Variants in MUC3A observed in about 807,000 individuals in gnomAD.
The protein encoded by MUC3A is mucin-3A.
MUC3A carries 109 observed loss-of-function variants against 109.0 expected under a neutral mutation model. The ratio of observed to expected loss-of-function variants is 1.00; its 90% confidence interval spans 0.86 to 1.17. The LOEUF is 1.17. Among genes scored for constraint, MUC3A ranks in the 50% most tolerant of loss-of-function variants. MUC3A has a pLI of 0.00. For missense variants in MUC3A, 3,537 were observed against 2,469.4 expected (o/e 1.43, Z -9.16); for synonymous variants, 1,398 against 981.4 (o/e 1.42, Z -7.93).
chr7:100,956,803 C>T lies in MUC3A; in HGVS notation c.5024C>T (p.Thr1675Ile). ...ATGTCTGCCAGCAGTGTAGGGACCA[C>T]TCACACCCAGAGTATCTCCTCACCC... Reference protein sequence around the residue: ...SSMSASSVGTTHTQSISSPPA... With the variant: ...SSMSASSVGTIHTQSISSPPA... The change falls in exon 2 of 12, where the codon ACT becomes ATT. Residue 1675 changes from threonine (T) to isoleucine (I), a missense_variant. Coordinates refer to ENST00000379458, the MANE Select transcript of MUC3A (RefSeq NM_005960.2). The T allele has an allele frequency of 2.4e-6, 1 of 412,494 alleles. No homozygotes were observed. Among genetic ancestry groups the T allele is most frequent in the Non-Finnish European group, 4.2e-6 (1 of 235,878 alleles). The allele number at this position is 412,494 out of a possible 1,614,324, so 25.6% of individuals were successfully genotyped here.
intron 4 of MUC3A, 100 bp from the exon 5 acceptor site, chr7:100,963,588 G>A (rs1300797702): frequency 1.3e-6 from 2 of 1,569,602 alleles, no homozygotes; most frequent in Non-Finnish European, 1.7e-6. Context: ...CCCGGCCGGG[G>A]AGGGGAATTG....
chr7:100,967,873 GTTGC>G lies in MUC3A; in HGVS notation c.*712_*715del. On this transcript the variant is annotated 3_prime_UTR_variant, in exon 12 of 12. Transcript: ENST00000379458. The stretch of plus-strand genomic sequence containing the variant: ...CAGGTGCTGTTCTCCCCGTCACCCC[GTTGC>G]CCAGTTCCCCGTTTCTCTTGCTCTC... 6.5e-6 allele frequency: 1 copy of G among 154,260 alleles called. No homozygotes were observed. The highest frequency in any genetic ancestry group is 2.5e-5 in the African/African-American group (1 of 40,112). 9.6% of individuals were successfully genotyped at this position (154,260 alleles called of 1,614,324 possible).
At position 100,963,704 on chromosome 7, in the gene MUC3A, C is replaced by A. The variant is rs957894645; in HGVS notation, c.9185C>A (p.Ala3062Glu). 3 of 1,598,504 alleles carry A rather than the reference C, an allele frequency of 1.9e-6. No individual in the cohort carries two copies. The highest frequency in any genetic ancestry group is 3.3e-5 in the Admixed American group (2 of 60,032). ...GTGTTTCAGATGCAGAAGATTTTTG[C>A]AGACATGCAGGGCTTCACCTTCAAG... ...TFWNQMQKIF[A>E]DMQGFTFKGV... Residue 3062 changes from alanine (A) to glutamate (E), a missense_variant, in exon 5 of 12, where the codon GCA (alanine) becomes GAA (glutamate). Transcript: ENST00000379458.
At chr7:100,967,071 A>G (rs773910655) in intron 11 of MUC3A, 50 bp from the exon 12 acceptor site, 2 of 1,598,390 alleles carry the variant, frequency 1.3e-6, no homozygotes, top group Admixed American at 1.7e-5. Flanking sequence ...CCTCCCTGTC[A>G]GCCCAAACCA....
intron 7 of MUC3A, 82 bp downstream of exon 7, chr7:100,965,429 G>C: frequency 6.5e-7 from 1 of 1,548,088 alleles, no homozygotes. Context: ...GAAGCCTGTG[G>C]GCAGGGAGAG....
rs1483167184 is a variant in MUC3A, at chr7:100,957,383, T to C, written c.5604T>C (p.Thr1868=). Residue 1868 remains threonine, a synonymous_variant, in exon 2 of 12, where the codon ACT becomes ACC. Transcript: ENST00000379458. ...CCAATATGACAGGTACATTGTCCAC[T>C]GTGACCTCTCTTCGACCCACCTCTT... The part of the protein sequence containing the change: ...YSTNMTGTLS[T]VTSLRPTSSS... 614 of 653,772 alleles carry C rather than the reference T, an allele frequency of 9.4e-4. No homozygotes were observed. The African/African-American group carries it at 0.012, about 13-fold the overall frequency. 40.5% of individuals were successfully genotyped at this position (653,772 alleles called of 1,614,324 possible).
intron 7 of MUC3A, 115 bp downstream of exon 7, chr7:100,965,462 G>A: frequency 1.3e-6 from 2 of 1,503,034 alleles, no homozygotes; most frequent in Non-Finnish European, 1.8e-6. Flanking sequence ...GGCAAGTCAT[G>A]TGGCCCAGGG....
rs1361575717 is a variant in MUC3A, at chr7:100,964,828, T to C, written c.9367T>C (p.Cys3123Arg). The C allele has an allele frequency of 1.9e-6, 3 of 1,597,770 alleles. No individual in the cohort carries two copies. The highest frequency in any genetic ancestry group is 1.7e-5 in the Admixed American group (1 of 59,972). Reference sequence around the variant, plus strand: ...GAACGCCAGCCAGGATGTGAACAGCTGCCAGGACTCCCAGAGTGAGCCCAG... The same window carrying C: ...GAACGCCAGCCAGGATGTGAACAGCCGCCAGGACTCCCAGAGTGAGCCCAG... ...LQNASQDVNS[C>R]QDSQTLCFKP... Residue 3123 changes from cysteine to arginine, a missense_variant, in exon 6 of 12, where the codon TGC becomes CGC. Transcript: ENST00000379458.
Position 100,967,341 on chromosome 7 carries a change from C to G in MUC3A, c.*179C>G. The G allele has an allele frequency of 2.0e-6, 2 of 985,008 alleles. No individual in the cohort carries two copies. The highest frequency in any genetic ancestry group is 3.0e-6 in the Non-Finnish European group (2 of 675,218). 61.0% of individuals were successfully genotyped at this position (985,008 alleles called of 1,614,324 possible). A position where few individuals can be genotyped will look rare whatever the true frequency, so the allele number is the denominator to read the frequency against. On this transcript the variant is annotated 3_prime_UTR_variant, in exon 12 of 12. Coordinates refer to ENST00000379458, the MANE Select transcript of MUC3A (RefSeq NM_005960.2). Reference sequence around the variant, plus strand: ...TCCTTCCAACTTGGCTGAAACCCACCTGGAGACGCAGTTCACGTCCAGGCT... The same window carrying G: ...TCCTTCCAACTTGGCTGAAACCCACGTGGAGACGCAGTTCACGTCCAGGCT...
Position 100,960,027 on chromosome 7 carries a change from AC to A in MUC3A, c.8249del (p.Thr2750LysfsTer6). 6.6e-7 allele frequency: 1 copy of A among 1,509,788 alleles called. No homozygotes were observed. Among genetic ancestry groups the A allele is most frequent in the Non-Finnish European group, 8.8e-7 (1 of 1,140,536 alleles). The allele number at this position is 1,509,788 out of a possible 1,614,324, so 93.5% of individuals were successfully genotyped here. A position where few individuals can be genotyped will look rare whatever the true frequency, so the allele number is the denominator to read the frequency against. ...STSSTSSSLT[T>X]ALTEITPFSY... Reference sequence around the variant, plus strand: ...TTCTTCAACCAGCTCCTCTCTGACCACAGCTCTCACTGAAATAACCCCCTTT... The same window carrying A: ...TTCTTCAACCAGCTCCTCTCTGACCAAGCTCTCACTGAAATAACCCCCTTT... On this transcript the variant is annotated frameshift_variant, in exon 2 of 12. Coordinates refer to ENST00000379458, the MANE Select transcript of MUC3A (RefSeq NM_005960.2). LOFTEE classifies it high-confidence loss of function.
Position 100,952,397 on chromosome 7 carries a change from C to T in MUC3A, c.618C>T (p.Ser206=). Residue 206 remains serine, a synonymous_variant, in exon 2 of 12, where the codon TCC becomes TCT. Transcript: ENST00000379458. ...CTCCCATAGTGACAGTGACACCCTC[C>T]TCTGTGTCAGCCACAGACACAACCT... is the stretch of plus-strand genomic sequence containing the variant. ...RETPIVTVTP[S]SVSATDTTFH... is the part of the protein sequence containing the mutation. The T allele has an allele frequency of 6.3e-7, 1 of 1,598,542 alleles. No homozygotes were observed. The highest frequency in any genetic ancestry group is 1.1e-5 in the South Asian group (1 of 91,092).
rs745467116 is a variant in MUC3A, at chr7:100,959,138, C to T, written c.7359C>T (p.Ser2453=). 8.2e-6 allele frequency: 13 copies of T among 1,584,566 alleles called. No homozygotes were observed. In the South Asian group the frequency reaches 1.3e-4, roughly 16 times the overall value. ...CTTCAACCATCTACTCCACAGTCAG[C>T]ACATCCACAACTGCCATCACCTCAC... ...LSSSTIYSTV[S]TSTTAITSHF... The change falls in exon 2 of 12, where the codon AGC becomes AGT. Residue 2453 remains serine (S), a synonymous_variant. Coordinates refer to ENST00000379458, the MANE Select transcript of MUC3A (RefSeq NM_005960.2).
In MUC3A at chr7:100,953,369, A is replaced by G; in HGVS notation, c.1590A>G (p.Pro530=). Reference sequence around the variant, plus strand: ...CAAGTTCCCTCCTGACGACCTTCCCAGCAACATATTCATTTTCATCTTCCA... The same window carrying G: ...CAAGTTCCCTCCTGACGACCTTCCCGGCAACATATTCATTTTCATCTTCCA... The part of the protein sequence containing the change: ...TPTSSLLTTF[P]ATYSFSSSMS... Residue 530 remains proline, a synonymous_variant, in exon 2 of 12, where the codon CCA becomes CCG. Coordinates refer to ENST00000379458, the MANE Select transcript of MUC3A (RefSeq NM_005960.2). 3 of 489,592 alleles carry G rather than the reference A, an allele frequency of 6.1e-6. No homozygotes were observed. Among genetic ancestry groups the G allele is most frequent in the Non-Finnish European group, 1.1e-5 (3 of 282,998 alleles). 30.3% of individuals were successfully genotyped at this position (489,592 alleles called of 1,614,324 possible).
At chr7:100,964,213 G>C (rs1359770082) in intron 5 of MUC3A, 45 of 220,258 alleles carry the variant, frequency 2.0e-4, no homozygotes, top group Non-Finnish European at 1.3e-4. Flanking sequence ...TAGGCGGGTG[G>C]ATCACCTGAA....
Position 100,965,885 on chromosome 7 carries a change from T to C in MUC3A, c.9611+19T>C, listed in dbSNP as rs762142409. Reference sequence around the variant, plus strand: ...CGTGTCGGTAAGGCCCCGCTCACCATCGGCATCAGCCGAGCCCCTCCCACT... The same window carrying C: ...CGTGTCGGTAAGGCCCCGCTCACCACCGGCATCAGCCGAGCCCCTCCCACT... On this transcript the variant is annotated intron_variant, in intron 8 of 11. Transcript: ENST00000379458. 1 of 1,580,594 alleles carries C rather than the reference T, an allele frequency of 6.3e-7. No individual in the cohort carries two copies. Among genetic ancestry groups the C allele is most frequent in the Non-Finnish European group, 8.6e-7 (1 of 1,169,038 alleles).
rs1457549853 is a variant in MUC3A, at chr7:100,962,813, CTTTCTT to C, written c.9053-336_9053-331del. Among the ~76,000 whole-genome samples, 178 of 93,428 alleles carry C rather than the reference CTTTCTT, an allele frequency of 1.9e-3. 2 individuals are homozygous for C. The highest frequency in any genetic ancestry group is 5.6e-3 in the African/African-American group (146 of 25,886). 61.3% of individuals were successfully genotyped at this position (93,428 alleles called of 152,430 possible). The stretch of plus-strand genomic sequence containing the variant: ...TTTCTTTCTTTCTCTCTCTCTCTCT[CTTTCTT>C]TCTTTCTTTCTTTCTTTTTCTCTCT... On this transcript the variant is annotated intron_variant, in intron 3 of 11. Coordinates refer to ENST00000379458, the MANE Select transcript of MUC3A (RefSeq NM_005960.2).
chr7:100,953,121 C>T lies in MUC3A; in HGVS notation c.1342C>T (p.Pro448Ser). ...GAGTACAGACATCCCTTTCACAACA[C>T]CAACAACTATCACCCACCATTCTGT... ...SLSTDIPFTTPTTITHHSVGS... is the reference protein window; with the variant it reads ...SLSTDIPFTTSTTITHHSVGS... Residue 448 changes from proline (P) to serine (S), a missense_variant, in exon 2 of 12, where the codon CCA (proline) becomes TCA (serine). By Grantham distance (74) the Pro-to-Ser change is moderately conservative. Transcript: ENST00000379458. 2 of 786,546 alleles carry T rather than the reference C, an allele frequency of 2.5e-6. No individual in the cohort carries two copies. Among genetic ancestry groups the T allele is most frequent in the Non-Finnish European group, 4.1e-6 (2 of 490,780 alleles). The allele number at this position is 786,546 out of a possible 1,614,324, so 48.7% of individuals were successfully genotyped here. A position where few individuals can be genotyped will look rare whatever the true frequency, so the allele number is the denominator to read the frequency against.
At position 100,958,159 on chromosome 7, in the gene MUC3A, T is replaced by C; in HGVS notation, c.6380T>C (p.Phe2127Ser). The change falls in exon 2 of 12, where the codon TTC becomes TCC. Residue 2127 changes from phenylalanine to serine, a missense_variant. Phe to Ser is a radical substitution (Grantham distance 155). Transcript: ENST00000379458. ...SEMPSHSTPS[F>S]TSSITTTENA... is the part of the protein sequence containing the mutation. ...ATGCCCTCACACAGTACTCCCAGCT[T>C]CACTTCTTCGATCACCACCACTGAG... 1 of 894,318 alleles carries C rather than the reference T, an allele frequency of 1.1e-6. No individual in the cohort carries two copies. Among genetic ancestry groups the C allele is most frequent in the Non-Finnish European group, 1.5e-6 (1 of 687,752 alleles). The allele number at this position is 894,318 out of a possible 1,614,324, so 55.4% of individuals were successfully genotyped here. A position where few individuals can be genotyped will look rare whatever the true frequency, so the allele number is the denominator to read the frequency against.
intron 3 of MUC3A, among the ~76,000 whole-genome samples, chr7:100,962,700 TTCTC>T (rs1223522711): frequency 4.3e-5 from 6 of 140,632 alleles, no homozygotes; most frequent in Non-Finnish European, 7.7e-5. Context: ...CTTTCTTTCT[TTCTC>T]TTTCTTTTCT....
Sources: gnomAD v4.1 joint callset for allele counts (sites outside exome capture counted in the v4.1 genomes callset) on GRCh38, gnomAD v4.1.1 for gene constraint, MANE v1.5 for transcripts, NCBI Gene and HGNC (gene_info 2026-07-23, HGNC 2026-07-21) for gene names.